NR3C2: variants seen among roughly 807,000 people sequenced by gnomAD.
The protein encoded by NR3C2 is nuclear receptor subfamily 3 group C member 2, also known as mineralocorticoid receptor.
Under a neutral mutation model 86.4 loss-of-function variants are expected in NR3C2, and 15 were observed. The ratio of observed to expected loss-of-function variants is 0.17; its 90% CI spans 0.12 to 0.27. The LOEUF (loss-of-function observed/expected upper bound fraction) is 0.27. Among genes scored for constraint, NR3C2 ranks in the 10% least tolerant of loss-of-function variants. NR3C2 has a pLI of 1.00. For synonymous variants in NR3C2, 458 were observed against 450.5 expected, an observed-to-expected ratio of 1.02 and a Z score of -0.21; for missense variants, 960 against 1,195.6, an observed-to-expected ratio of 0.80 and a Z score of 2.91.
chr4:148,230,183 C>T (rs1738386634), intron 3 of NR3C2, among the ~76,000 whole-genome samples: 1 of 152,026 alleles, frequency 6.6e-6, no homozygotes, highest in Admixed American at 6.6e-5. Context: ...AAAAAGAACG[C>T]ACTTTTTGTT....
chr4:148,404,645 T>C (rs72658626), intron 2 of NR3C2, among the ~76,000 whole-genome samples: 1 of 152,126 alleles, frequency 6.6e-6, no homozygotes, highest in Non-Finnish European at 1.5e-5. Flanking sequence ...TTCAAACTAA[T>C]AAACATGGAT....
intron 2 of NR3C2, among the ~76,000 whole-genome samples, chr4:148,262,353 A>G (rs903713307): frequency 6.6e-6 from 1 of 151,432 alleles, no homozygotes; most frequent in Non-Finnish European, 1.5e-5. Context: ...TTTCAATATC[A>G]CCAATATGCT....
chr4:148,233,558 C>T (rs1323476096), intron 3 of NR3C2, among the ~76,000 whole-genome samples: 1 of 151,958 alleles, frequency 6.6e-6, no homozygotes, highest in East Asian at 1.9e-4. Context: ...TGAGGTTTCA[C>T]CATGTTGTCC....
chr4:148,181,226 T>G (rs1735630464), intron 4 of NR3C2, among the ~76,000 whole-genome samples: 1 of 152,190 alleles, frequency 6.6e-6, no homozygotes, highest in Non-Finnish European at 1.5e-5. Flanking sequence ...GAAGCATGAT[T>G]TTAGTATTTT....
chr4:148,358,291 A>G (rs958975308), intron 2 of NR3C2, among the ~76,000 whole-genome samples: 1 of 152,228 alleles, frequency 6.6e-6, no homozygotes, highest in Admixed American at 6.5e-5. Flanking sequence ...CTATGCAGCC[A>G]TAAAAAATGA....
chr4:148,313,457 T>C (rs774162497), intron 2 of NR3C2, among the ~76,000 whole-genome samples: 6 of 152,216 alleles, frequency 3.9e-5, no homozygotes, highest in Non-Finnish European at 8.8e-5. Flanking sequence ...TTTAATGTTT[T>C]GTAAGCTAAA....
intron 8 of NR3C2, among the ~76,000 whole-genome samples, chr4:148,113,170 T>C (rs546325644): frequency 2.0e-5 from 3 of 152,166 alleles, no homozygotes; most frequent in Non-Finnish European, 4.4e-5. Context: ...TTGATTAAAT[T>C]AGAAACAAGC....
chr4:148,263,747 A>G (rs1039028974), intron 2 of NR3C2, among the ~76,000 whole-genome samples: 6 of 152,174 alleles, frequency 3.9e-5, no homozygotes, highest in African/African-American at 1.2e-4. Flanking sequence ...TACAGGACCT[A>G]GCATTTCCTC....
At chr4:148,373,655 T>C (rs1440890839) in intron 2 of NR3C2, among the ~76,000 whole-genome samples, 1 of 151,908 alleles carries the variant, frequency 6.6e-6, no homozygotes, top group African/African-American at 2.4e-5. Flanking sequence ...TTTGTATTTT[T>C]TTAGTAGAGA....
chr4:148,442,784 G>T, upstream of NR3C2: 1 of 985,414 alleles, frequency 1.0e-6, no homozygotes, highest in Non-Finnish European at 1.2e-6. Context: ...GGCGGCCTCC[G>T]CACGCTGCCC....
In NR3C2 at chr4:148,144,203, C is replaced by CT. The variant is rs201466117; in HGVS notation, c.2510+8265dup. ...CCTCTGCTAAAATGTCTGGAAATGACTTTTTTTTTCTTTCTTTTTGAGACA... is the reference window on the plus strand; with the variant it reads ...CCTCTGCTAAAATGTCTGGAAATGACTTTTTTTTTTCTTTCTTTTTGAGACA... On this transcript the variant is annotated intron_variant, in intron 6 of 8. Transcript: ENST00000358102. Among the ~76,000 whole-genome samples, 362 of 151,972 alleles carry CT rather than the reference C, an allele frequency of 2.4e-3. 11 individuals are homozygous for CT. In the East Asian group the frequency reaches 0.056, roughly 23 times the overall value.
chr4:148,382,912 A>C (rs1747072854), intron 2 of NR3C2, among the ~76,000 whole-genome samples: 1 of 152,206 alleles, frequency 6.6e-6, no homozygotes, highest in Non-Finnish European at 1.5e-5. Flanking sequence ...TCTGCAATAA[A>C]AAATAGATCT....
rs143057152 is a variant in NR3C2 at position 148,154,604 on chromosome 4, C to T, written c.2312G>A (p.Arg771His). Residue 771 changes from arginine to histidine, a missense_variant, in exon 5 of 9, where the codon CGC (arginine) becomes CAC (histidine). By Grantham distance (29) the Arg-to-His change is conservative. Coordinates refer to ENST00000358102, the MANE Select transcript of NR3C2 (RefSeq NM_000901.5). Reference protein sequence around the residue: ...TAENLLSTLNRLAGKQMIQVV... With the variant: ...TAENLLSTLNHLAGKQMIQVV... ...TTGGATCATCTGTTTGCCTGCTAAG[C>T]GGTTGAGCGTGGAGAGCAGATTTTC... 1.9e-3 allele frequency: 3,098 copies of T among 1,614,124 alleles called. 6 individuals are homozygous for T. The highest frequency in any genetic ancestry group is 2.5e-3 in the Non-Finnish European group (2,907 of 1,180,044).
chr4:148,244,965 G>A (rs72653900), intron 3 of NR3C2, among the ~76,000 whole-genome samples: 168 of 152,242 alleles, frequency 1.1e-3, no homozygotes, highest in African/African-American at 3.7e-3. Flanking sequence ...AGCTGCCTGT[G>A]GATGTCTGCA....
intron 2 of NR3C2, among the ~76,000 whole-genome samples, chr4:148,350,052 C>T (rs1010341778): frequency 6.6e-6 from 1 of 152,148 alleles, no homozygotes; most frequent in African/African-American, 2.4e-5. Context: ...ACAAATGGTG[C>T]TTAGAAAGTG....
At chr4:148,127,751 T>A (rs909921268) in intron 6 of NR3C2, among the ~76,000 whole-genome samples, 13 of 152,324 alleles carry the variant, frequency 8.5e-5, no homozygotes, top group Admixed American at 4.6e-4. Flanking sequence ...AGAGGTTGGG[T>A]TAAAATGAAT....
intron 3 of NR3C2, among the ~76,000 whole-genome samples, chr4:148,224,930 T>C (rs1450815895): frequency 6.6e-6 from 1 of 152,222 alleles, no homozygotes; most frequent in Non-Finnish European, 1.5e-5. Flanking sequence ...CAAAATCTTA[T>C]TTCCATTTTA....
At chr4:148,289,271 G>GC (rs1268284299) in intron 2 of NR3C2, among the ~76,000 whole-genome samples, 1 of 37,774 alleles carries the variant, frequency 2.6e-5, no homozygotes, top group East Asian at 9.3e-4. Flanking sequence ...AATATTTACA[G>GC]CCAAAAAAAA....
intron 2 of NR3C2, among the ~76,000 whole-genome samples, chr4:148,373,578 G>A (rs926415190): frequency 4.7e-5 from 7 of 149,780 alleles, no homozygotes; most frequent in African/African-American, 1.0e-4. Flanking sequence ...AGGTTCAAGC[G>A]ATTATCCAGC....
Sources: allele counts gnomAD v4.1 joint callset (sites outside exome capture counted in the v4.1 genomes callset), GRCh38; gene constraint gnomAD v4.1.1; transcripts MANE v1.5; gene names NCBI Gene and HGNC (gene_info 2026-07-23, HGNC 2026-07-21).